Variants in IMMP2L observed in about 807,000 individuals in gnomAD.
IMMP2L encodes inner mitochondrial membrane peptidase subunit 2.
In IMMP2L, 18 loss-of-function variants were observed where a neutral mutation model predicts 19.3. The ratio of observed to expected loss-of-function variants is 0.93; its 90% confidence interval spans 0.64 to 1.38. The LOEUF is 1.38. Among genes scored for constraint, IMMP2L ranks in the 40% most tolerant of loss-of-function variants. IMMP2L has a pLI of 0.00. For synonymous variants in IMMP2L, 76 were observed against 73.0 expected, an observed-to-expected ratio of 1.04 and a Z score of -0.21; for missense variants, 233 against 218.2, an observed-to-expected ratio of 1.07 and a Z score of -0.43.
chr7:111,137,131 G>C (rs1169918181), intron 3 of IMMP2L, among the ~76,000 whole-genome samples: 1 of 152,088 alleles, frequency 6.6e-6, no homozygotes, highest in Non-Finnish European at 1.5e-5. Flanking sequence ...CAAAAATATG[G>C]TGGGTTAGTT....
intron 4 of IMMP2L, among the ~76,000 whole-genome samples, chr7:110,944,481 G>C (rs1332477618): frequency 1.3e-5 from 2 of 151,884 alleles, no homozygotes; most frequent in Admixed American, 6.6e-5. Context: ...ACGTGTGTGT[G>C]TGCGCGTGTG....
chr7:111,185,345 A>C (rs1182156936), intron 3 of IMMP2L, among the ~76,000 whole-genome samples: 3 of 152,196 alleles, frequency 2.0e-5, no homozygotes, highest in Non-Finnish European at 4.4e-5. Flanking sequence ...CCATTAATAC[A>C]TAAAAGCAAT....
At chr7:111,526,700 G>T (rs1315751653) in intron 1 of IMMP2L, among the ~76,000 whole-genome samples, 1 of 152,082 alleles carries the variant, frequency 6.6e-6, no homozygotes, top group East Asian at 1.9e-4. Flanking sequence ...GCCAGTGCAG[G>T]CTATCTATAT....
intron 4 of IMMP2L, among the ~76,000 whole-genome samples, chr7:110,935,766 G>A (rs1816032501): frequency 6.6e-6 from 1 of 152,078 alleles, no homozygotes; most frequent in Admixed American, 6.6e-5. Context: ...AAAGAACAAA[G>A]CTGGAAGCAT....
At chr7:110,752,250 G>A (rs1250961117) in intron 5 of IMMP2L, among the ~76,000 whole-genome samples, 2 of 151,876 alleles carry the variant, frequency 1.3e-5, no homozygotes, top group Non-Finnish European at 2.9e-5. Context: ...TATTACTGAT[G>A]GTAATTACAA....
intron 1 of IMMP2L, among the ~76,000 whole-genome samples, chr7:111,555,108 T>A (rs1045866932): frequency 3.3e-5 from 5 of 152,136 alleles, no homozygotes; most frequent in Admixed American, 2.6e-4. Flanking sequence ...GCCATATATA[T>A]CTTTGTATCC....
intron 3 of IMMP2L, among the ~76,000 whole-genome samples, chr7:110,986,556 G>A (rs1201777870): frequency 6.6e-6 from 1 of 152,116 alleles, no homozygotes; most frequent in Non-Finnish European, 1.5e-5. Context: ...GGTCTCTTAC[G>A]AATCTTGCCT....
chr7:110,857,713 G>A (rs527828310), intron 5 of IMMP2L, among the ~76,000 whole-genome samples: 13 of 152,108 alleles, frequency 8.5e-5, no homozygotes, highest in Middle Eastern at 3.4e-3. Flanking sequence ...AGGCACTTGA[G>A]GCTCCTCTAT....
At chr7:111,364,928 C>G (rs1829624495) in intron 3 of IMMP2L, among the ~76,000 whole-genome samples, 1 of 151,136 alleles carries the variant, frequency 6.6e-6, no homozygotes, top group African/African-American at 2.4e-5. Flanking sequence ...CAAGATCATA[C>G]CACTTCACTC....
chr7:110,931,874 C>T (rs1815529704), intron 4 of IMMP2L, among the ~76,000 whole-genome samples: 1 of 152,158 alleles, frequency 6.6e-6, no homozygotes, highest in Non-Finnish European at 1.5e-5. Flanking sequence ...CTTACTCAGA[C>T]AGACCAATCT....
At chr7:111,490,382 C>T (rs1339618703) in intron 2 of IMMP2L, among the ~76,000 whole-genome samples, 4 of 150,838 alleles carry the variant, frequency 2.7e-5, no homozygotes, top group Non-Finnish European at 4.4e-5. Context: ...TCAACCAAAG[C>T]GCTGAGATTA....
At chr7:110,866,521 T>C (rs1241401244) in intron 5 of IMMP2L, among the ~76,000 whole-genome samples, 2 of 151,952 alleles carry the variant, frequency 1.3e-5, no homozygotes, top group Non-Finnish European at 2.9e-5. Context: ...GCTTCACTCT[T>C]GGTAGCACAT....
intron 3 of IMMP2L, among the ~76,000 whole-genome samples, chr7:110,988,347 T>G (rs1488429162): frequency 1.3e-5 from 2 of 151,992 alleles, no homozygotes; most frequent in African/African-American, 4.8e-5. Flanking sequence ...TCCCAGTCAG[T>G]AGGAAAGAAA....
chr7:110,756,575 C>T (rs1033569376), intron 5 of IMMP2L, among the ~76,000 whole-genome samples: 1 of 151,980 alleles, frequency 6.6e-6, no homozygotes, highest in African/African-American at 2.4e-5. Context: ...AGCACCGAAC[C>T]CTGAGAATGA....
At chr7:111,054,480 TG>T (rs996158711) in intron 3 of IMMP2L, among the ~76,000 whole-genome samples, 3 of 152,232 alleles carry the variant, frequency 2.0e-5, no homozygotes, top group African/African-American at 7.2e-5. Context: ...AAATGTCAAA[TG>T]GTTCCTCATG....
At chr7:111,323,136 AAAATAAAAAT>A (rs1329677377) in intron 3 of IMMP2L, among the ~76,000 whole-genome samples, 1 of 151,916 alleles carries the variant, frequency 6.6e-6, no homozygotes, top group Non-Finnish European at 1.5e-5. Flanking sequence ...GAAATTAATA[AAAATAAAAAT>A]GAAGTCAGAA....
At chr7:111,406,247 G>A (rs1409142247) in intron 3 of IMMP2L, among the ~76,000 whole-genome samples, 1 of 151,876 alleles carries the variant, frequency 6.6e-6, no homozygotes, top group African/African-American at 2.4e-5. Flanking sequence ...AATCCTCCTT[G>A]ATTCCTCTAT....
chr7:110,886,939 A>C (rs953156275), intron 4 of IMMP2L, among the ~76,000 whole-genome samples: 2 of 152,142 alleles, frequency 1.3e-5, no homozygotes, highest in Non-Finnish European at 2.9e-5. Context: ...ATTGGCACTA[A>C]ATATAATGTG....
chr7:111,368,678 A>G (rs1830009006), intron 3 of IMMP2L, among the ~76,000 whole-genome samples: 2 of 152,118 alleles, frequency 1.3e-5, no homozygotes, highest in South Asian at 4.1e-4. Flanking sequence ...CTTTTAAGTC[A>G]ATCTGTTTCC....
Sources: allele counts gnomAD v4.1 joint callset (sites outside exome capture counted in the v4.1 genomes callset), GRCh38; gene constraint gnomAD v4.1.1; transcripts MANE v1.5; gene names NCBI Gene and HGNC (gene_info 2026-07-23, HGNC 2026-07-21).